SLIT3: variants seen among roughly 807,000 people sequenced by gnomAD.
The protein encoded by SLIT3 is slit guidance ligand 3.
In SLIT3, 68 loss-of-function variants were observed where a neutral mutation model predicts 184.0. The ratio of observed to expected loss-of-function variants is 0.37; its 90% CI spans 0.30 to 0.45. The LOEUF is 0.45. Among genes scored for constraint, SLIT3 ranks in the 20% least tolerant of loss-of-function variants. The probability of loss-of-function intolerance (pLI) is 1.00; values close to 1 mark genes in which losing one functional copy is unlikely to be tolerated. For synonymous variants in SLIT3, 831 were observed against 828.6 expected (o/e 1.00, Z -0.05); for missense variants, 1,707 against 2,026.0 (o/e 0.84, Z 3.02).
At chr5:169,091,530 CT>C (rs1217158106) in intron 4 of SLIT3, among the ~76,000 whole-genome samples, 1 of 152,240 alleles carries the variant, frequency 6.6e-6, no homozygotes, top group Non-Finnish European at 1.5e-5. Flanking sequence ...AAACAGCACA[CT>C]GTTGTACAGC....
chr5:169,051,961 A>G (rs1204306381), intron 4 of SLIT3, among the ~76,000 whole-genome samples: 1 of 152,204 alleles, frequency 6.6e-6, no homozygotes, highest in Admixed American at 6.5e-5. Flanking sequence ...AGGTCTTCCC[A>G]GAGGGCAGCA....
At chr5:168,764,004 G>C (rs576841971) in intron 14 of SLIT3, among the ~76,000 whole-genome samples, 1 of 152,338 alleles carries the variant, frequency 6.6e-6, no homozygotes, top group South Asian at 2.1e-4. Context: ...GGTTTTAGCA[G>C]AAGGGAGCAC....
intron 35 of SLIT3, among the ~76,000 whole-genome samples, chr5:168,668,237 G>C (rs1020860647): frequency 5.3e-5 from 8 of 152,250 alleles, no homozygotes; most frequent in East Asian, 1.9e-4. Flanking sequence ...AGGGCAAGAG[G>C]GTTGGATGGA....
chr5:168,682,850 G>T (rs1021052939), intron 32 of SLIT3, among the ~76,000 whole-genome samples: 1 of 152,012 alleles, frequency 6.6e-6, no homozygotes, highest in Non-Finnish European at 1.5e-5. Flanking sequence ...CTAAGGTTTG[G>T]CTCTCCTTCT....
chr5:168,935,153 A>C (rs964078399), intron 4 of SLIT3, among the ~76,000 whole-genome samples: 1 of 151,472 alleles, frequency 6.6e-6, no homozygotes, highest in Admixed American at 6.6e-5. Context: ...AAAAAAACAA[A>C]AAAAAAAACC....
At chr5:168,686,010 G>A (rs573426828) in intron 30 of SLIT3, 83 bp from the exon 31 acceptor site, 58 of 1,435,666 alleles carry the variant, frequency 4.0e-5, no homozygotes, top group Admixed American at 6.6e-5. Flanking sequence ...AAAGAACCTC[G>A]AGCAGAGAGG....
chr5:169,193,080 G>A (rs1763610016), intron 4 of SLIT3, among the ~76,000 whole-genome samples: 1 of 152,212 alleles, frequency 6.6e-6, no homozygotes, highest in African/African-American at 2.4e-5. Flanking sequence ...AAGGTGATGA[G>A]GTTGCCATGT....
intron 4 of SLIT3, among the ~76,000 whole-genome samples, chr5:168,942,679 T>A (rs1465599789): frequency 6.6e-6 from 1 of 150,892 alleles, no homozygotes; most frequent in East Asian, 1.9e-4. Context: ...TTTCCTGGTA[T>A]CTTGAATTGC....
At position 168,727,733 on chromosome 5, in the gene SLIT3, A is replaced by G. The variant is rs138688353; in HGVS notation, c.2271-3249T>C. Among the ~76,000 whole-genome samples the G allele has an allele frequency of 4.5e-3, 683 of 152,290 alleles. 4 individuals are homozygous for G. The highest frequency in any genetic ancestry group is 0.015 in the African/African-American group (643 of 41,560). The stretch of plus-strand genomic sequence containing the variant: ...GAGTGAATGCTTGCCCTACTCCCCA[A>G]ACAGGGGCAGGGGCTCAGCCGGTGG... On this transcript the variant is annotated intron_variant, in intron 20 of 35. Coordinates refer to ENST00000519560, the MANE Select transcript of SLIT3 (RefSeq NM_003062.4).
At chr5:168,712,177 A>G in intron 24 of SLIT3, 106 bp downstream of exon 24, 1 of 934,372 alleles carries the variant, frequency 1.1e-6, no homozygotes, top group East Asian at 2.4e-5. Flanking sequence ...TACTGTATGC[A>G]TAAGGAAAGG....
chr5:169,037,753 C>T (rs930308676), intron 4 of SLIT3: 15 of 152,236 alleles, frequency 9.9e-5, no homozygotes, highest in Admixed American at 7.2e-4. Flanking sequence ...TGACGGGAGG[C>T]CTGGGACGCA....
rs943247761 is a variant in SLIT3 at position 168,933,447 on chromosome 5, CAG to C, written c.414-50113_414-50112del. On this transcript the variant is annotated intron_variant, in intron 4 of 35. Coordinates refer to ENST00000519560, the MANE Select transcript of SLIT3 (RefSeq NM_003062.4). ...GTCCCAGCCACTCAGGCGGCTGAGA[CAG>C]GGGAATTGCTTGAACCCGGGAGGCG... Among the ~76,000 whole-genome samples, 3 of 152,196 alleles carry C rather than the reference CAG, an allele frequency of 2.0e-5. No individual in the cohort carries two copies. In the East Asian group the frequency reaches 5.8e-4, roughly 29 times the overall value.
At chr5:168,893,851 C>G (rs1760561755) in intron 4 of SLIT3, among the ~76,000 whole-genome samples, 1 of 152,128 alleles carries the variant, frequency 6.6e-6, no homozygotes, top group Admixed American at 6.5e-5. Flanking sequence ...GCCTGATAGC[C>G]TAGGTTCAGA....
chr5:169,156,189 A>G (rs531868506), intron 4 of SLIT3, among the ~76,000 whole-genome samples: 1 of 152,344 alleles, frequency 6.6e-6, no homozygotes, highest in East Asian at 1.9e-4. Context: ...ACTGGTAAAG[A>G]GAAAACGAAC....
intron 5 of SLIT3, among the ~76,000 whole-genome samples, chr5:168,848,941 G>A (rs774030557): frequency 1.5e-4 from 23 of 152,030 alleles, no homozygotes; most frequent in African/African-American, 2.7e-4. Context: ...AGAAATTAAA[G>A]CAGCCTATCT....
intron 3 of SLIT3, among the ~76,000 whole-genome samples, chr5:169,203,834 C>T (rs912540136): frequency 6.6e-6 from 1 of 151,940 alleles, no homozygotes; most frequent in African/African-American, 2.4e-5. Flanking sequence ...TTTGGAACTA[C>T]TGTTAGCCAA....
At chr5:169,284,186 C>A (rs1252304784) in intron 1 of SLIT3, among the ~76,000 whole-genome samples, 1 of 152,224 alleles carries the variant, frequency 6.6e-6, no homozygotes, top group Non-Finnish European at 1.5e-5. Flanking sequence ...AAAATGTGAA[C>A]CTCTGAGCAA....
At chr5:169,104,210 A>C (rs1203748113) in intron 4 of SLIT3, among the ~76,000 whole-genome samples, 1 of 152,122 alleles carries the variant, frequency 6.6e-6, no homozygotes, top group African/African-American at 2.4e-5. Flanking sequence ...CAAGAGGTGC[A>C]CCCATGAAGC....
chr5:168,900,859 C>T (rs2113827126), intron 4 of SLIT3, among the ~76,000 whole-genome samples: 1 of 152,258 alleles, frequency 6.6e-6, no homozygotes, highest in East Asian at 1.9e-4. Context: ...ACAAGTCAGA[C>T]ATGGACAAAT....
Sources: allele counts gnomAD v4.1 joint callset (sites outside exome capture counted in the v4.1 genomes callset), GRCh38; gene constraint gnomAD v4.1.1; transcripts MANE v1.5; gene names NCBI Gene and HGNC (gene_info 2026-07-23, HGNC 2026-07-21).